The following EPB41L4A variants were observed in gnomAD, a reference collection of about 807,000 sequenced individuals.
EPB41L4A encodes the protein erythrocyte membrane protein band 4.1 like 4A, also known as band 4.1-like protein 4A.
EPB41L4A carries 100 observed loss-of-function variants against 108.6 expected under a neutral mutation model. The observed-to-expected ratio is 0.92, with a 90% CI of 0.78 to 1.09. The LOEUF (loss-of-function observed/expected upper bound fraction) is 1.09. Ranked by LOEUF, EPB41L4A falls within the 50% of genes least tolerant of loss-of-function variation. The pLI is 0.00. For synonymous variants in EPB41L4A, 319 were observed against 289.0 expected (o/e 1.10, Z -1.05); for missense variants, 1,030 against 842.7 (o/e 1.22, Z -2.75).
chr5:112,323,525 T>C (rs770909193), intron 1 of EPB41L4A, among the ~76,000 whole-genome samples: 7 of 152,254 alleles, frequency 4.6e-5, no homozygotes, highest in African/African-American at 7.2e-5. Flanking sequence ...AACTTATTTA[T>C]GTGAACAGGC....
chr5:112,264,861 G>T (rs1230830478), intron 6 of EPB41L4A, 35 bp downstream of exon 6: 1 of 1,592,724 alleles, frequency 6.3e-7, no homozygotes, highest in African/African-American at 1.4e-5. Flanking sequence ...ATGACTGATG[G>T]ATGATGCAAT....
chr5:112,339,500 A>ATC (rs1383083339), intron 1 of EPB41L4A, among the ~76,000 whole-genome samples: 15 of 43,224 alleles, frequency 3.5e-4, no homozygotes, highest in African/African-American at 6.0e-4. Context: ...ATATATCTAT[A>ATC]TATATATATA....
intron 1 of EPB41L4A, among the ~76,000 whole-genome samples, chr5:112,405,025 C>A (rs952491061): frequency 6.6e-6 from 1 of 152,286 alleles, no homozygotes; most frequent in African/African-American, 2.4e-5. Flanking sequence ...TTCAAGGGAG[C>A]CCTTGTTTTC....
intron 2 of EPB41L4A, among the ~76,000 whole-genome samples, chr5:112,292,885 A>G (rs1753740346): frequency 1.3e-5 from 2 of 152,192 alleles, no homozygotes; most frequent in African/African-American, 4.8e-5. Flanking sequence ...AACTGTCTGA[A>G]ATTCCTTCCT....
At chr5:112,253,911 G>A (rs571709870) in intron 9 of EPB41L4A, among the ~76,000 whole-genome samples, 7 of 152,178 alleles carry the variant, frequency 4.6e-5, no homozygotes, top group African/African-American at 2.4e-5. Context: ...TTGGCTTAAC[G>A]TAAGTGAGAC....
At chr5:112,389,616 T>C (rs1022005924) in intron 1 of EPB41L4A, among the ~76,000 whole-genome samples, 1 of 152,234 alleles carries the variant, frequency 6.6e-6, no homozygotes, top group Non-Finnish European at 1.5e-5. Flanking sequence ...AAAGTAACTT[T>C]GAAATGATCA....
At chr5:112,222,932 A>G (rs992099114) in intron 12 of EPB41L4A, among the ~76,000 whole-genome samples, 1 of 128,306 alleles carries the variant, frequency 7.8e-6, no homozygotes, top group Non-Finnish European at 1.6e-5. Context: ...CTGCTCCACA[A>G]GTGAAACTAG....
intron 12 of EPB41L4A, among the ~76,000 whole-genome samples, chr5:112,212,232 G>C (rs572752674): frequency 6.6e-6 from 1 of 152,016 alleles, no homozygotes; most frequent in Non-Finnish European, 1.5e-5. Flanking sequence ...TGGGGCAGTG[G>C]CAGAAGGGAC....
At chr5:112,243,619 T>C (rs767201541) in intron 9 of EPB41L4A, among the ~76,000 whole-genome samples, 4 of 152,230 alleles carry the variant, frequency 2.6e-5, no homozygotes, top group Non-Finnish European at 4.4e-5. Context: ...GCCACTTTCA[T>C]CAATAATCTT....
chr5:112,234,290 G>A (rs1749173606), intron 12 of EPB41L4A, among the ~76,000 whole-genome samples: 1 of 151,650 alleles, frequency 6.6e-6, no homozygotes, highest in Admixed American at 6.6e-5. Context: ...CCTGAGGTCA[G>A]AACATCACTT....
At chr5:112,354,822 A>C (rs1758269472) in intron 1 of EPB41L4A, among the ~76,000 whole-genome samples, 1 of 152,202 alleles carries the variant, frequency 6.6e-6, no homozygotes, top group African/African-American at 2.4e-5. Flanking sequence ...TTTGCAAACC[A>C]TATGCCAAGA....
intron 9 of EPB41L4A, among the ~76,000 whole-genome samples, chr5:112,254,117 A>G (rs1023464720): frequency 2.0e-5 from 3 of 152,182 alleles, no homozygotes; most frequent in Middle Eastern, 3.2e-3. Context: ...ATTATACATA[A>G]AAGTAAGCAC....
At chr5:112,411,632 A>G (rs1204327591) in intron 1 of EPB41L4A, among the ~76,000 whole-genome samples, 2 of 151,966 alleles carry the variant, frequency 1.3e-5, no homozygotes, top group Non-Finnish European at 2.9e-5. Context: ...TGGCAAAAAA[A>G]AAAAAAATCA....
At chr5:112,256,322 T>C (rs1229129454) in intron 9 of EPB41L4A, among the ~76,000 whole-genome samples, 2 of 152,228 alleles carry the variant, frequency 1.3e-5, no homozygotes, top group African/African-American at 4.8e-5. Context: ...GGATGCCTTA[T>C]ACTGCTATAA....
intron 18 of EPB41L4A, chr5:112,173,565 T>G (rs1019869968): frequency 6.6e-6 from 1 of 152,058 alleles, no homozygotes; most frequent in Non-Finnish European, 1.5e-5. Context: ...CATGTTTTTT[T>G]TTTTAAATAT....
chr5:112,308,381 A>G (rs1028757675), intron 1 of EPB41L4A, among the ~76,000 whole-genome samples: 2 of 152,180 alleles, frequency 1.3e-5, no homozygotes, highest in African/African-American at 4.8e-5. Flanking sequence ...TATGGTGAGC[A>G]CTTAATACTG....
At position 112,266,284 on chromosome 5, in the gene EPB41L4A, G is replaced by T. The variant is rs1424074308; in HGVS notation, c.382C>A (p.Leu128Met). The T allele has an allele frequency of 1.2e-6, 2 of 1,610,752 alleles. No individual in the cohort carries two copies. Among genetic ancestry groups the T allele is most frequent in the Non-Finnish European group, 1.7e-6 (2 of 1,178,756 alleles). Residue 128 changes from leucine to methionine, a missense_variant, in exon 5 of 23, where the codon CTG becomes ATG. Coordinates refer to ENST00000261486, the MANE Select transcript of EPB41L4A (RefSeq NM_022140.5). ...GCAGCAGTGTTGACGGGACAGGGCAGACGGCCCTGAAGGACATCTTGCTTC... is the reference window on the plus strand; with the variant it reads ...GCAGCAGTGTTGACGGGACAGGGCATACGGCCCTGAAGGACATCTTGCTTC... ...QVKQDVLQGRLPCPVNTAAQL... is the reference protein window; with the variant it reads ...QVKQDVLQGRMPCPVNTAAQL...
chr5:112,282,686 T>C (rs543164905), intron 2 of EPB41L4A, among the ~76,000 whole-genome samples: 49 of 152,246 alleles, frequency 3.2e-4, no homozygotes, highest in Admixed American at 4.6e-4. Context: ...ACATGTAACA[T>C]TGGGATTTAA....
intron 1 of EPB41L4A, among the ~76,000 whole-genome samples, chr5:112,340,067 T>C (rs1341631903): frequency 2.0e-5 from 3 of 152,070 alleles, no homozygotes; most frequent in Admixed American, 2.0e-4. Context: ...TCATATCCAA[T>C]GCTCACAGCA....
Sources: allele counts gnomAD v4.1 joint callset (sites outside exome capture counted in the v4.1 genomes callset), GRCh38; gene constraint gnomAD v4.1.1; transcripts MANE v1.5; gene names NCBI Gene and HGNC (gene_info 2026-07-23, HGNC 2026-07-21).